CCDC38: variants seen among roughly 807,000 people sequenced by gnomAD.
CCDC38 encodes the protein coiled-coil domain containing 38.
CCDC38 carries 69 observed loss-of-function variants against 72.8 expected under a neutral mutation model. That is an observed-to-expected ratio of 0.95 (90% CI 0.78 to 1.16). The LOEUF is 1.16. Ranked by LOEUF, CCDC38 falls within the 50% of genes most tolerant of loss-of-function variation. The probability of loss-of-function intolerance (pLI) is 0.00; values close to 1 mark genes in which losing one functional copy is unlikely to be tolerated. For synonymous variants in CCDC38, 201 were observed against 213.2 expected, an observed-to-expected ratio of 0.94 and a Z score of 0.50; for missense variants, 626 against 638.9, an observed-to-expected ratio of 0.98 and a Z score of 0.22.
At chr12:95,904,107 T>A (rs977293521) in intron 5 of CCDC38, among the ~76,000 whole-genome samples, 9 of 152,214 alleles carry the variant, frequency 5.9e-5, no homozygotes, top group Non-Finnish European at 1.0e-4. Context: ...GCTTTGGTAG[T>A]TTGCATCTTT....
At chr12:95,889,415 G>GGAACATTGACACCACC (rs1293916163) in intron 9 of CCDC38, among the ~76,000 whole-genome samples, 1 of 152,004 alleles carries the variant, frequency 6.6e-6, no homozygotes, top group Non-Finnish European at 1.5e-5. Flanking sequence ...CAAAGAGAAG[G>GGAACATTGACACCACC]GAACATTGAC....
intron 2 of CCDC38, among the ~76,000 whole-genome samples, chr12:95,920,745 T>C (rs568719857): frequency 9.2e-5 from 14 of 152,218 alleles, no homozygotes; most frequent in Middle Eastern, 3.4e-3. Flanking sequence ...AGGTTTCTTT[T>C]TGAATTAGTG....
chr12:95,880,441 G>A (rs11108316), intron 11 of CCDC38, among the ~76,000 whole-genome samples: 27,827 of 152,058 alleles, frequency 0.18, 2,780 homozygotes, highest in African/African-American at 0.26. Flanking sequence ...GGATCATGAG[G>A]TCAGGAGTTC....
chr12:95,895,458 A>T (rs1329408184), intron 7 of CCDC38, among the ~76,000 whole-genome samples: 1 of 152,192 alleles, frequency 6.6e-6, no homozygotes, highest in Non-Finnish European at 1.5e-5. Flanking sequence ...AGAAATTAGA[A>T]GGTAGCAAAA....
At chr12:95,896,071 A>G (rs945989445) in intron 7 of CCDC38, among the ~76,000 whole-genome samples, 2 of 148,698 alleles carry the variant, frequency 1.3e-5, no homozygotes, top group African/African-American at 2.6e-5. Context: ...AAAAAAAAAA[A>G]AAAAGAAAGT....
rs1215429101 is a variant in CCDC38 at position 95,936,516 on chromosome 12, G to T, written c.-7C>A. On this transcript the variant is annotated 5_prime_UTR_variant, in exon 2 of 16. Coordinates refer to ENST00000344280, the MANE Select transcript of CCDC38 (RefSeq NM_182496.3). ...GCAATAAATTTGAGGACATTTTCTT[G>T]CCTGGCCCTGTTGAAAGAAAAAAAA... is the stretch of plus-strand genomic sequence containing the variant. 1 of 1,606,046 alleles carries T rather than the reference G, an allele frequency of 6.2e-7. No homozygotes were observed. Among genetic ancestry groups the T allele is most frequent in the Non-Finnish European group, 8.5e-7 (1 of 1,178,464 alleles).
chr12:95,882,880 A>T (rs1261908798), intron 10 of CCDC38, among the ~76,000 whole-genome samples: 1 of 152,202 alleles, frequency 6.6e-6, no homozygotes, highest in Non-Finnish European at 1.5e-5. Flanking sequence ...GCTGTCCCAC[A>T]GGGAGCTAAA....
At chr12:95,929,841 C>T (rs2080317810) in intron 2 of CCDC38, among the ~76,000 whole-genome samples, 1 of 152,140 alleles carries the variant, frequency 6.6e-6, no homozygotes, top group South Asian at 2.1e-4. Context: ...AAGGTGATGG[C>T]AGAGCCATGC....
At chr12:95,899,299 T>C (rs1246900108) in intron 5 of CCDC38, among the ~76,000 whole-genome samples, 7 of 152,178 alleles carry the variant, frequency 4.6e-5, no homozygotes, top group Non-Finnish European at 8.8e-5. Flanking sequence ...TGGTGATTTT[T>C]GTTTTGTTTT....
At chr12:95,933,052 GATGAAATAAGGATAA>G (rs1475257602) in intron 2 of CCDC38, 1 of 152,138 alleles carries the variant, frequency 6.6e-6, no homozygotes, top group Admixed American at 6.5e-5. Context: ...ATTAACTACA[GATGAAATAAGGATAA>G]AATTGTCCCC....
intron 13 of CCDC38, 94 bp downstream of exon 13, chr12:95,878,117 G>A (rs1277962819): frequency 3.6e-6 from 5 of 1,399,244 alleles, no homozygotes; most frequent in Non-Finnish European, 3.9e-6. Context: ...CTTGTGATTT[G>A]CTTTAACTCT....
intron 2 of CCDC38, among the ~76,000 whole-genome samples, chr12:95,929,144 G>T (rs2080307801): frequency 6.6e-6 from 1 of 152,192 alleles, no homozygotes; most frequent in Non-Finnish European, 1.5e-5. Flanking sequence ...CAGCCTCACT[G>T]CCACCTTGCA....
intron 2 of CCDC38, chr12:95,919,397 T>C: frequency 2.5e-6 from 1 of 399,292 alleles, no homozygotes; most frequent in Admixed American, 2.7e-5. Flanking sequence ...TCAGCTATTG[T>C]TACAGGGCAT....
At chr12:95,887,823 C>A (rs754312838) in intron 10 of CCDC38, among the ~76,000 whole-genome samples, 1 of 152,100 alleles carries the variant, frequency 6.6e-6, no homozygotes, top group Non-Finnish European at 1.5e-5. Flanking sequence ...TCAAAATGAA[C>A]ATTTAATTAC....
intron 4 of CCDC38, among the ~76,000 whole-genome samples, chr12:95,914,226 G>C (rs1006724734): frequency 1.3e-5 from 2 of 152,140 alleles, no homozygotes; most frequent in African/African-American, 4.8e-5. Context: ...TCGGAGGCTG[G>C]GGCACGAGAA....
intron 14 of CCDC38, among the ~76,000 whole-genome samples, chr12:95,870,550 TGTAA>T (rs1201566162): frequency 1.3e-5 from 2 of 152,220 alleles, no homozygotes; most frequent in African/African-American, 2.4e-5. Flanking sequence ...TTAAGAAGAA[TGTAA>T]GTAATTGGAA....
At position 95,938,152 on chromosome 12, in the gene CCDC38, A is replaced by T. The variant is rs954761583; in HGVS notation, c.-14-1629T>A. ...AAGCTTATAAAAGAGAAAAAAATGA[A>T]TAAAAACTATAACATTGACATTATA... On this transcript the variant is annotated intron_variant, in intron 1 of 15. Transcript: ENST00000344280. Among the ~76,000 whole-genome samples, 3 of 152,246 alleles carry T rather than the reference A, an allele frequency of 2.0e-5. No homozygotes were observed. In the East Asian group the frequency reaches 5.8e-4, roughly 29 times the overall value.
chr12:95,942,157 C>G (rs1338592183), intron 1 of CCDC38, among the ~76,000 whole-genome samples: 2 of 152,034 alleles, frequency 1.3e-5, no homozygotes, highest in Non-Finnish European at 1.5e-5. Context: ...AGCGCCTTTC[C>G]TATCTTTGTA....
chr12:95,881,591 G>T (rs369881776), intron 10 of CCDC38, 37 bp from the exon 11 acceptor site: 3 of 1,549,558 alleles, frequency 1.9e-6, no homozygotes, highest in Non-Finnish European at 2.7e-6. Flanking sequence ...TGTCTGATTT[G>T]TGAGCCATTT....
Sources: allele counts gnomAD v4.1 joint callset (sites outside exome capture counted in the v4.1 genomes callset), GRCh38; gene constraint gnomAD v4.1.1; transcripts MANE v1.5; gene names NCBI Gene and HGNC (gene_info 2026-07-23, HGNC 2026-07-21).